Variants in ZNF804B observed in about 807,000 individuals in gnomAD.
ZNF804B encodes the protein zinc finger protein 804B, also known as zinc finger 804B.
In ZNF804B, 80 loss-of-function variants were observed where a neutral mutation model predicts 101.4. The ratio of observed to expected loss-of-function variants is 0.79; its 90% confidence interval spans 0.66 to 0.95. The LOEUF is 0.95. Ranked by LOEUF, ZNF804B falls within the 40% of genes least tolerant of loss-of-function variation. The pLI is 0.00. For synonymous variants in ZNF804B, 622 were observed against 558.8 expected (o/e 1.11, Z -1.59); for missense variants, 1,673 against 1,561.9 (o/e 1.07, Z -1.20).
At chr7:89,224,065 T>C (rs1169041184) in intron 2 of ZNF804B, among the ~76,000 whole-genome samples, 1 of 152,022 alleles carries the variant, frequency 6.6e-6, no homozygotes, top group Non-Finnish European at 1.5e-5. Flanking sequence ...ATTACTGGGA[T>C]GAATAATACA....
At chr7:88,788,665 A>C (rs1247654545) in intron 1 of ZNF804B, among the ~76,000 whole-genome samples, 1 of 152,196 alleles carries the variant, frequency 6.6e-6, no homozygotes, top group Non-Finnish European at 1.5e-5. Context: ...GGGTGTAGGC[A>C]GGAATGCAAA....
At chr7:89,279,779 T>C (rs1790051760) in intron 2 of ZNF804B, among the ~76,000 whole-genome samples, 1 of 151,978 alleles carries the variant, frequency 6.6e-6, no homozygotes, top group South Asian at 2.1e-4. Context: ...GATTTTTGCA[T>C]CAATGTTCAT....
intron 1 of ZNF804B, among the ~76,000 whole-genome samples, chr7:89,148,192 C>T (rs1210612091): frequency 1.3e-5 from 2 of 151,998 alleles, no homozygotes; most frequent in African/African-American, 4.8e-5. Flanking sequence ...TTCTCATCTG[C>T]ACAAGGTATA....
At chr7:89,275,007 A>G (rs1452795001) in intron 2 of ZNF804B, among the ~76,000 whole-genome samples, 1 of 151,882 alleles carries the variant, frequency 6.6e-6, no homozygotes, top group Non-Finnish European at 1.5e-5. Flanking sequence ...GTAGCTCTGA[A>G]ATGAATTTGT....
In ZNF804B at chr7:88,759,780, C is replaced by A. The variant is rs1446273980; in HGVS notation, c.-197C>A. On this transcript the variant is annotated 5_prime_UTR_variant, in exon 1 of 4. Transcript: ENST00000333190. ...GTGCTGTCGCCGCCGCCGCCTCTGT[C>A]AGAGCAGCAGCTGTCGGCAGCAGGA... is the stretch of plus-strand genomic sequence containing the variant. The A allele has an allele frequency of 6.8e-6, 4 of 592,154 alleles. No homozygotes were observed. Among genetic ancestry groups the A allele is most frequent in the Admixed American group, 6.0e-5 (2 of 33,604 alleles). 36.7% of individuals were successfully genotyped at this position (592,154 alleles called of 1,614,324 possible). A position where few individuals can be genotyped will look rare whatever the true frequency, so the allele number is the denominator to read the frequency against.
intron 1 of ZNF804B, among the ~76,000 whole-genome samples, chr7:89,111,965 G>A (rs1294492406): frequency 2.0e-5 from 3 of 152,030 alleles, no homozygotes; most frequent in African/African-American, 7.2e-5. Context: ...ATTAGGCAGA[G>A]TGGTGGGGCG....
intron 2 of ZNF804B, among the ~76,000 whole-genome samples, chr7:89,292,049 A>C (rs57079060): frequency 0.011 from 1,600 of 152,244 alleles, 25 homozygotes; most frequent in African/African-American, 0.037. Context: ...TAGTGAAAAA[A>C]ATTCTTCAAA....
intron 1 of ZNF804B, among the ~76,000 whole-genome samples, chr7:88,900,679 C>A (rs73705582): frequency 0.033 from 4,996 of 150,392 alleles, 290 homozygotes; most frequent in African/African-American, 0.11. Context: ...AACAAATATT[C>A]ATAATATAAA....
intron 1 of ZNF804B, among the ~76,000 whole-genome samples, chr7:89,149,551 T>C (rs77235981): frequency 2.0e-5 from 3 of 152,074 alleles, no homozygotes; most frequent in African/African-American, 7.2e-5. Flanking sequence ...TTTTATTTCA[T>C]CAACTATTCT....
rs1178894931 is a variant in ZNF804B, at chr7:89,336,884, A to G, written c.3902A>G (p.Asn1301Ser). The G allele has an allele frequency of 6.2e-7, 1 of 1,613,894 alleles. No homozygotes were observed. The highest frequency in any genetic ancestry group is 1.3e-5 in the African/African-American group (1 of 74,884). Reference protein sequence around the residue: ...FIPTLFGPHLNPATTSIIHLN... With the variant: ...FIPTLFGPHLSPATTSIIHLN... ...CCTACATTGTTTGGTCCTCACTTAAATCCAGCCACAACTTCTATCATCCAC... is the reference window on the plus strand; with the variant it reads ...CCTACATTGTTTGGTCCTCACTTAAGTCCAGCCACAACTTCTATCATCCAC... The change falls in exon 4 of 4, where the codon AAT becomes AGT. Residue 1301 changes from asparagine to serine, a missense_variant. By Grantham distance (46) the Asn-to-Ser change is conservative. Coordinates refer to ENST00000333190, the MANE Select transcript of ZNF804B (RefSeq NM_181646.5).
intron 2 of ZNF804B, among the ~76,000 whole-genome samples, chr7:89,326,020 G>T (rs1790889629): frequency 6.6e-6 from 1 of 151,922 alleles, no homozygotes; most frequent in African/African-American, 2.4e-5. Flanking sequence ...CCTGTCTTCT[G>T]ACCAAGGCTA....
intron 2 of ZNF804B, among the ~76,000 whole-genome samples, chr7:89,301,948 A>G (rs1790481679): frequency 6.6e-6 from 1 of 151,946 alleles, no homozygotes; most frequent in African/African-American, 2.4e-5. Context: ...AATGATAGGT[A>G]TCAATATCTT....
At chr7:89,017,405 G>C (rs895532170) in intron 1 of ZNF804B, among the ~76,000 whole-genome samples, 3 of 152,176 alleles carry the variant, frequency 2.0e-5, no homozygotes, top group African/African-American at 7.2e-5. Context: ...GGGCATCCCT[G>C]TCTTGTGCCA....
chr7:88,972,556 C>T (rs1474521685), intron 1 of ZNF804B, among the ~76,000 whole-genome samples: 1 of 151,066 alleles, frequency 6.6e-6, no homozygotes, highest in African/African-American at 2.4e-5. Context: ...AAAAAAAGTC[C>T]CCTGTTAATT....
intron 1 of ZNF804B, among the ~76,000 whole-genome samples, chr7:89,105,944 C>A (rs529224116): frequency 1.4e-3 from 214 of 152,220 alleles, no homozygotes; most frequent in African/African-American, 5.1e-3. Flanking sequence ...AAGGATATTA[C>A]AAAACATACA....
chr7:88,873,278 G>T (rs1791868221), intron 1 of ZNF804B, among the ~76,000 whole-genome samples: 1 of 152,188 alleles, frequency 6.6e-6, no homozygotes, highest in Non-Finnish European at 1.5e-5. Flanking sequence ...ATTTTGAGAA[G>T]TGTCTGTTCA....
intron 1 of ZNF804B, among the ~76,000 whole-genome samples, chr7:88,871,099 T>G (rs1791816790): frequency 6.6e-6 from 1 of 152,200 alleles, no homozygotes; most frequent in Non-Finnish European, 1.5e-5. Context: ...GATTTTTTAT[T>G]AAACCCGAGA....
intron 1 of ZNF804B, among the ~76,000 whole-genome samples, chr7:88,816,499 T>C (rs967685252): frequency 2.6e-5 from 4 of 152,046 alleles, no homozygotes; most frequent in Admixed American, 2.6e-4. Flanking sequence ...AAAAGGCTAA[T>C]ATCCAGAATC....
intron 2 of ZNF804B, among the ~76,000 whole-genome samples, chr7:89,237,867 GATA>G (rs1789308679): frequency 6.6e-6 from 1 of 152,124 alleles, no homozygotes; most frequent in Non-Finnish European, 1.5e-5. Flanking sequence ...CAGACAGAGA[GATA>G]ATAAACACAA....
Sources: gnomAD v4.1 joint callset for allele counts (sites outside exome capture counted in the v4.1 genomes callset) on GRCh38, gnomAD v4.1.1 for gene constraint, MANE v1.5 for transcripts, NCBI Gene and HGNC (gene_info 2026-07-23, HGNC 2026-07-21) for gene names.